The following GRID2 variants were observed in gnomAD, a reference collection of about 807,000 sequenced individuals.
The protein encoded by GRID2 is glutamate ionotropic receptor delta type subunit 2, also known as glutamate receptor ionotropic, delta-2.
In GRID2, 33 loss-of-function variants were observed where a neutral mutation model predicts 114.8. The observed-to-expected ratio is 0.29, with a 90% CI of 0.22 to 0.38. The LOEUF (loss-of-function observed/expected upper bound fraction) is 0.38, where lower values mean the gene tolerates loss of function less well. GRID2 is among the 10% of genes least tolerant of loss of function. The pLI, the probability that GRID2 is intolerant of heterozygous loss-of-function variation, is 1.00. For missense variants in GRID2, 1,184 were observed against 1,257.7 expected, an observed-to-expected ratio of 0.94 and a Z score of 0.89; for synonymous variants, 505 against 449.9, an observed-to-expected ratio of 1.12 and a Z score of -1.55.
chr4:92,974,796 G>C (rs952385211), intron 2 of GRID2, among the ~76,000 whole-genome samples: 18 of 152,144 alleles, frequency 1.2e-4, no homozygotes, highest in African/African-American at 4.3e-4. Flanking sequence ...TAACAAAACT[G>C]CACGTTCTGC....
chr4:93,780,700 G>T (rs943525720), intron 1 of GRID2, among the ~76,000 whole-genome samples: 1 of 152,204 alleles, frequency 6.6e-6, no homozygotes, highest in Admixed American at 6.5e-5. Context: ...CATCAGAGAG[G>T]TACTGAAGCT....
rs562805171 is a variant in GRID2 at position 93,274,916 on chromosome 4, A to G, written c.1245+36426A>G. 7.2e-5 allele frequency among the ~76,000 whole-genome samples: 11 copies of G among 152,184 alleles called. No individual in the cohort carries two copies. In the East Asian group the frequency reaches 2.1e-3, roughly 29 times the overall value. On this transcript the variant is annotated intron_variant, in intron 8 of 15. Coordinates refer to ENST00000282020, the MANE Select transcript of GRID2 (RefSeq NM_001510.4). ...AAAAATATAACAGCTTTATTGAGTT[A>G]TAAATCAAATACCATAAAGTTTATG...
intron 2 of GRID2, among the ~76,000 whole-genome samples, chr4:92,802,086 G>T (rs1740200836): frequency 6.6e-6 from 1 of 151,474 alleles, no homozygotes; most frequent in Non-Finnish European, 1.5e-5. Context: ...TTATAATTTT[G>T]GTTTTACTTG....
At chr4:93,203,506 T>C (rs1449361416) in intron 4 of GRID2, among the ~76,000 whole-genome samples, 1 of 152,150 alleles carries the variant, frequency 6.6e-6, no homozygotes, top group African/African-American at 2.4e-5. Flanking sequence ...TTCTAAATAT[T>C]CAATATTTTT....
intron 2 of GRID2, among the ~76,000 whole-genome samples, chr4:92,994,425 T>G (rs1416668934): frequency 6.6e-6 from 1 of 152,106 alleles, no homozygotes. Flanking sequence ...GGATCTTGGC[T>G]CACTGCAACC....
chr4:93,655,601 T>G (rs1335152689), intron 14 of GRID2, among the ~76,000 whole-genome samples: 1 of 152,178 alleles, frequency 6.6e-6, no homozygotes, highest in Non-Finnish European at 1.5e-5. Flanking sequence ...GATTTAATTC[T>G]TTCTAAAGAT....
intron 13 of GRID2, among the ~76,000 whole-genome samples, chr4:93,546,260 T>A (rs1733199873): frequency 6.6e-6 from 1 of 152,130 alleles, no homozygotes; most frequent in Non-Finnish European, 1.5e-5. Context: ...GAGCGCCAAG[T>A]GTAAAAGTAA....
At chr4:92,530,910 G>A (rs866507681) in intron 1 of GRID2, among the ~76,000 whole-genome samples, 5 of 150,324 alleles carry the variant, frequency 3.3e-5, no homozygotes, top group South Asian at 2.1e-4. Context: ...CCATCTTGGC[G>A]GGGGGGGAGA....
At chr4:93,583,468 T>C (rs1737192402) in intron 13 of GRID2, among the ~76,000 whole-genome samples, 1 of 152,060 alleles carries the variant, frequency 6.6e-6, no homozygotes, top group African/African-American at 2.4e-5. Flanking sequence ...TAAATGATAA[T>C]GAGAGGAAGA....
chr4:92,833,043 CA>C (rs1742226319), intron 2 of GRID2, among the ~76,000 whole-genome samples: 4 of 152,136 alleles, frequency 2.6e-5, no homozygotes, highest in Admixed American at 2.6e-4. Context: ...GCATGTCCAA[CA>C]GTTGTTTCTT....
chr4:93,207,220 T>C (rs749801290), intron 4 of GRID2, among the ~76,000 whole-genome samples, 184 bp from the exon 5 acceptor site: 1 of 152,118 alleles, frequency 6.6e-6, no homozygotes, highest in Non-Finnish European at 1.5e-5. Flanking sequence ...ACAGTGCATC[T>C]ATATGTATGT....
chr4:93,166,597 G>A (rs1012975479), intron 4 of GRID2, among the ~76,000 whole-genome samples: 2 of 152,144 alleles, frequency 1.3e-5, no homozygotes, highest in Non-Finnish European at 1.5e-5. Flanking sequence ...ACTATCTGGA[G>A]TATAAAATGA....
chr4:92,563,801 A>T (rs896372051), intron 1 of GRID2, among the ~76,000 whole-genome samples: 3 of 152,002 alleles, frequency 2.0e-5, no homozygotes, highest in Non-Finnish European at 4.4e-5. Context: ...GTTCCAACCT[A>T]CTCAGTTACC....
chr4:93,309,757 G>A (rs1560483018), intron 8 of GRID2, among the ~76,000 whole-genome samples: 1 of 152,096 alleles, frequency 6.6e-6, no homozygotes, highest in Non-Finnish European at 1.5e-5. Context: ...GGTGGGAGTA[G>A]CAGTTTTAAA....
rs114819395 is a variant in GRID2 at position 93,383,521 on chromosome 4, C to T, written c.1246-12086C>T. On this transcript the variant is annotated intron_variant, in intron 8 of 15. Coordinates refer to ENST00000282020, the MANE Select transcript of GRID2 (RefSeq NM_001510.4). The stretch of plus-strand genomic sequence containing the variant: ...CTCCAGAACTCCAGAATATTTATAT[C>T]AGATAGATTCTGCCAGTGCAGTTGT... Among the ~76,000 whole-genome samples, 908 of 152,254 alleles carry T rather than the reference C, an allele frequency of 6.0e-3. 6 individuals are homozygous for T. The highest frequency in any genetic ancestry group is 0.021 in the African/African-American group (860 of 41,566).
intron 13 of GRID2, among the ~76,000 whole-genome samples, chr4:93,599,764 C>A (rs1739482825): frequency 6.6e-6 from 1 of 152,118 alleles, no homozygotes; most frequent in Non-Finnish European, 1.5e-5. Flanking sequence ...GGCTTTTCCC[C>A]TGAGCACACT....
intron 1 of GRID2, among the ~76,000 whole-genome samples, chr4:92,589,780 G>GA (rs889908041): frequency 3.9e-5 from 6 of 152,180 alleles, no homozygotes; most frequent in Admixed American, 3.9e-4. Context: ...CTTTTATTCA[G>GA]AAAAGAAATC....
chr4:93,409,702 C>T (rs1766914898), intron 9 of GRID2, among the ~76,000 whole-genome samples: 1 of 152,166 alleles, frequency 6.6e-6, no homozygotes, highest in East Asian at 1.9e-4. Flanking sequence ...AGTATACACA[C>T]ATGCATACCC....
At chr4:92,798,923 G>T (rs1184304809) in intron 2 of GRID2, among the ~76,000 whole-genome samples, 1 of 151,886 alleles carries the variant, frequency 6.6e-6, no homozygotes, top group Non-Finnish European at 1.5e-5. Context: ...AAGTGTATTG[G>T]GTTCCTAAGG....
Sources: gnomAD v4.1 joint callset for allele counts (sites outside exome capture counted in the v4.1 genomes callset) on GRCh38, gnomAD v4.1.1 for gene constraint, MANE v1.5 for transcripts, NCBI Gene and HGNC (gene_info 2026-07-23, HGNC 2026-07-21) for gene names.